The following RPRD1B variants were observed in gnomAD, a reference collection of about 807,000 sequenced individuals.
RPRD1B encodes regulation of nuclear pre-mRNA domain containing 1B.
Under a neutral mutation model 41.5 loss-of-function variants are expected in RPRD1B, and 11 were observed. That is an observed-to-expected ratio of 0.27 (90% CI 0.17 to 0.44). The LOEUF (loss-of-function observed/expected upper bound fraction) is 0.44. RPRD1B is among the 20% of genes least tolerant of loss of function. The probability of loss-of-function intolerance (pLI) is 1.00; values close to 1 mark genes in which losing one functional copy is unlikely to be tolerated. For missense variants in RPRD1B, 248 were observed against 389.9 expected (o/e 0.64, Z 3.06); for synonymous variants, 158 against 155.6 (o/e 1.02, Z -0.12).
At chr20:38,046,949 C>T (rs1181436790) in intron 2 of RPRD1B, among the ~76,000 whole-genome samples, 1 of 152,118 alleles carries the variant, frequency 6.6e-6, no homozygotes, top group Non-Finnish European at 1.5e-5. Context: ...ATTTTGAAAA[C>T]TCGAGAACAG....
Position 38,040,583 on chromosome 20 carries a change from G to T in RPRD1B, c.281+19G>T. The T allele has an allele frequency of 1.9e-6, 3 of 1,576,572 alleles. No individual in the cohort carries two copies. Among genetic ancestry groups the T allele is most frequent in the South Asian group, 1.2e-5 (1 of 83,864 alleles). ...TTGCCAGGTATGTTGTCTGTTTTTT[G>T]GATTTGTTTTTAAATTCATTGCCTT... On this transcript the variant is annotated intron_variant, in intron 2 of 6. Transcript: ENST00000373433.
intron 3 of RPRD1B, among the ~76,000 whole-genome samples, chr20:38,055,593 C>T (rs1488791285): frequency 1.3e-5 from 2 of 152,154 alleles, no homozygotes; most frequent in Non-Finnish European, 2.9e-5. Flanking sequence ...TGGCAGCATC[C>T]TGCAGCGTGC....
In RPRD1B at chr20:38,091,297, C is replaced by CATGTAATTTT; in HGVS notation, c.*1424_*1433dup. 3.0e-6 allele frequency: 3 copies of CATGTAATTTT among 985,378 alleles called. No individual in the cohort carries two copies. Among genetic ancestry groups the CATGTAATTTT allele is most frequent in the Non-Finnish European group, 3.6e-6 (3 of 829,646 alleles). The allele number at this position is 985,378 out of a possible 1,614,324, so 61.0% of individuals were successfully genotyped here. ...CTACTTCCAGGATCACCAAAAATTA[C>CATGTAATTTT]ATGTAATTTTACATGTTAAACACAT... On this transcript the variant is annotated 3_prime_UTR_variant, in exon 7 of 7. Coordinates refer to ENST00000373433, the MANE Select transcript of RPRD1B (RefSeq NM_021215.4).
At chr20:38,044,075 C>T (rs1328623791) in intron 2 of RPRD1B, among the ~76,000 whole-genome samples, 2 of 152,138 alleles carry the variant, frequency 1.3e-5, no homozygotes, top group East Asian at 3.8e-4. Context: ...ATCATGTAGT[C>T]ATAGTCATGG....
chr20:38,072,363 A>G lies in RPRD1B; in HGVS notation c.831+6107A>G, dbSNP rs2074421235. On this transcript the variant is annotated intron_variant, in intron 6 of 6. Coordinates refer to ENST00000373433, the MANE Select transcript of RPRD1B (RefSeq NM_021215.4). ...GGTTTATTTCTGGATTCTCAATTCT[A>G]TTCCATTAATGTATATGTCTATCCT... is the stretch of plus-strand genomic sequence containing the variant. 3.3e-5 allele frequency among the ~76,000 whole-genome samples: 5 copies of G among 152,206 alleles called. No homozygotes were observed. The South Asian group carries it at 1.0e-3, about 32-fold the overall frequency.
chr20:38,052,613 A>G (rs1337901548), intron 3 of RPRD1B, among the ~76,000 whole-genome samples: 5 of 152,182 alleles, frequency 3.3e-5, no homozygotes, highest in East Asian at 1.9e-4. Context: ...TAAAAGTAAT[A>G]TAAAGTCTAT....
Position 38,052,737 on chromosome 20 carries a change from C to T in RPRD1B, c.415+4256C>T, listed in dbSNP as rs116526085. Among the ~76,000 whole-genome samples, 1,036 of 145,308 alleles carry T rather than the reference C, an allele frequency of 7.1e-3. 6 individuals are homozygous for T. The highest frequency in any genetic ancestry group is 0.021 in the African/African-American group (819 of 38,966). On this transcript the variant is annotated intron_variant, in intron 3 of 6. Coordinates refer to ENST00000373433, the MANE Select transcript of RPRD1B (RefSeq NM_021215.4). ...AATTAGTTGTAAACACTGCTGCACT[C>T]GGACCAAACGCGGTGTTTTTTTTTT...
At chr20:38,063,145 C>T (rs1353754884) in intron 5 of RPRD1B, among the ~76,000 whole-genome samples, 1 of 152,120 alleles carries the variant, frequency 6.6e-6, no homozygotes, top group East Asian at 1.9e-4. Flanking sequence ...CTGAAACGTT[C>T]CTCCCAGATA....
At position 38,073,701 on chromosome 20, in the gene RPRD1B, A is replaced by G. The variant is rs907361518; in HGVS notation, c.831+7445A>G. Among the ~76,000 whole-genome samples, 21 of 152,190 alleles carry G rather than the reference A, an allele frequency of 1.4e-4. 1 individual carries two copies. The highest frequency in any genetic ancestry group is 5.1e-4 in the African/African-American group (21 of 41,432). ...TTGGAGTAAATTCGTCTTTCCTATG[A>G]TGATCAAAGCCAGTATCTCAGTGTC... On this transcript the variant is annotated intron_variant, in intron 6 of 6. Transcript: ENST00000373433.
intron 1 of RPRD1B, among the ~76,000 whole-genome samples, chr20:38,036,661 C>G (rs1215534251): frequency 6.6e-6 from 1 of 152,142 alleles, no homozygotes; most frequent in Non-Finnish European, 1.5e-5. Context: ...ACAGCGCTAT[C>G]CAATACAACT....
At chr20:38,080,280 C>T (rs1013458689) in intron 6 of RPRD1B, among the ~76,000 whole-genome samples, 24 of 152,154 alleles carry the variant, frequency 1.6e-4, no homozygotes, top group Admixed American at 5.9e-4. Flanking sequence ...TTGCCAGGGC[C>T]GGTGTCCGGC....
At chr20:38,057,496 ATG>A in intron 3 of RPRD1B, 34 bp from the exon 4 acceptor site, 2 of 1,455,828 alleles carry the variant, frequency 1.4e-6, no homozygotes, top group Non-Finnish European at 1.9e-6. Context: ...ACTACAGGAT[ATG>A]TGACTCAAAT....
rs2074606837 is a variant in RPRD1B at position 38,090,906 on chromosome 20, A to G, written c.*1031A>G. The G allele has an allele frequency of 4.1e-6, 4 of 984,870 alleles. No individual in the cohort carries two copies. Among genetic ancestry groups the G allele is most frequent in the Non-Finnish European group, 4.8e-6 (4 of 829,788 alleles). The allele number at this position is 984,870 out of a possible 1,614,324, so 61.0% of individuals were successfully genotyped here. Reference sequence around the variant, plus strand: ...GCAGGTCCGTCTGTCATGTCACGCCACTGCACAGGTCCTTGTCCCCACACG... The same window carrying G: ...GCAGGTCCGTCTGTCATGTCACGCCGCTGCACAGGTCCTTGTCCCCACACG... On this transcript the variant is annotated 3_prime_UTR_variant, in exon 7 of 7. Transcript: ENST00000373433.
chr20:38,076,358 G>A (rs1272757517), intron 6 of RPRD1B, among the ~76,000 whole-genome samples: 1 of 152,196 alleles, frequency 6.6e-6, no homozygotes, highest in African/African-American at 2.4e-5. Context: ...TAACTAATCT[G>A]AAGTTGTTAG....
rs143308551 is a variant in RPRD1B at position 38,043,232 on chromosome 20, A to G, written c.281+2668A>G. On this transcript the variant is annotated intron_variant, in intron 2 of 6. Coordinates refer to ENST00000373433, the MANE Select transcript of RPRD1B (RefSeq NM_021215.4). Reference sequence around the variant, plus strand: ...TAAGGAAATGACATTTGCGGTAATCATGCGAAGCGGGAGCAGCTATTAAGA... The same window carrying G: ...TAAGGAAATGACATTTGCGGTAATCGTGCGAAGCGGGAGCAGCTATTAAGA... Among the ~76,000 whole-genome samples the G allele has an allele frequency of 7.1e-3, 1,089 of 152,370 alleles. 5 individuals carry two copies. The highest frequency in any genetic ancestry group is 0.021 in the African/African-American group (872 of 41,588).
At chr20:38,067,958 C>A (rs1046557156) in intron 6 of RPRD1B, among the ~76,000 whole-genome samples, 1 of 152,206 alleles carries the variant, frequency 6.6e-6, no homozygotes, top group East Asian at 1.9e-4. Flanking sequence ...TTGGGTAGAA[C>A]GTGGCAAGCA....
chr20:38,040,355 A>T, intron 1 of RPRD1B, 80 bp from the exon 2 acceptor site: 1 of 1,191,166 alleles, frequency 8.4e-7, no homozygotes, highest in Non-Finnish European at 1.1e-6. Flanking sequence ...ATGTTTTTTT[A>T]GGAGCAGCCC....
Position 38,048,238 on chromosome 20 carries a change from G to A in RPRD1B, c.282-110G>A, listed in dbSNP as rs766084039. 586 of 1,168,436 alleles carry A rather than the reference G, an allele frequency of 5.0e-4. 3 individuals carry two copies. Among genetic ancestry groups the A allele is most frequent in the African/African-American group, 1.5e-4 (10 of 64,806 alleles). The allele number at this position is 1,168,436 out of a possible 1,614,324, so 72.4% of individuals were successfully genotyped here. ...ATATGTACCTTATTTGGTTTTAAATGTGTAAATCATTTAGTCAGTTGTTGA... is the reference window on the plus strand; with the variant it reads ...ATATGTACCTTATTTGGTTTTAAATATGTAAATCATTTAGTCAGTTGTTGA... On this transcript the variant is annotated intron_variant, in intron 2 of 6. Transcript: ENST00000373433.
chr20:38,091,107 A>C lies in RPRD1B; in HGVS notation c.*1232A>C. The C allele has an allele frequency of 2.0e-6, 2 of 985,852 alleles. No individual in the cohort carries two copies. The highest frequency in any genetic ancestry group is 2.4e-6 in the Non-Finnish European group (2 of 829,936). The allele number at this position is 985,852 out of a possible 1,614,324, so 61.1% of individuals were successfully genotyped here. On this transcript the variant is annotated 3_prime_UTR_variant, in exon 7 of 7. Coordinates refer to ENST00000373433, the MANE Select transcript of RPRD1B (RefSeq NM_021215.4). ...CTTATAGTAAAGGTTCAGCCTGCCA[A>C]TTGTAAATCATTCTAATTTGGCAGG...
Sources: gnomAD v4.1 joint callset for allele counts (sites outside exome capture counted in the v4.1 genomes callset) on GRCh38, gnomAD v4.1.1 for gene constraint, MANE v1.5 for transcripts, NCBI Gene and HGNC (gene_info 2026-07-23, HGNC 2026-07-21) for gene names.